Variants in TTC28 observed in about 807,000 individuals in gnomAD.
TTC28 encodes tetratricopeptide repeat protein 28.
TTC28 carries 61 observed loss-of-function variants against 198.0 expected under a neutral mutation model. That is an observed-to-expected ratio of 0.31 (90% CI 0.25 to 0.38). TTC28 has a LOEUF of 0.38. Among genes scored for constraint, TTC28 ranks in the 10% least tolerant of loss-of-function variants. The pLI is 1.00. For missense variants in TTC28, 2,678 were observed against 3,164.0 expected, an observed-to-expected ratio of 0.85 and a Z score of 3.69; for synonymous variants, 1,171 against 1,297.8, an observed-to-expected ratio of 0.90 and a Z score of 2.10.
chr22:28,182,344 G>C (rs1027666029), intron 5 of TTC28, among the ~76,000 whole-genome samples: 4 of 152,132 alleles, frequency 2.6e-5, no homozygotes, highest in Non-Finnish European at 4.4e-5. Flanking sequence ...TATTCTGTAG[G>C]GGGTTGGAAT....
intron 1 of TTC28, among the ~76,000 whole-genome samples, chr22:28,675,747 A>G (rs1476220038): frequency 2.7e-5 from 4 of 150,650 alleles, no homozygotes; most frequent in African/African-American, 7.3e-5. Flanking sequence ...ACACACACAC[A>G]CACACACACA....
intron 2 of TTC28, among the ~76,000 whole-genome samples, chr22:28,454,734 T>C (rs1337355689): frequency 2.0e-5 from 3 of 152,224 alleles, no homozygotes; most frequent in African/African-American, 4.8e-5. Context: ...GTTTAACAAA[T>C]AAATTTAACA....
chr22:28,449,750 G>C (rs1245221160), intron 2 of TTC28, among the ~76,000 whole-genome samples: 1 of 152,162 alleles, frequency 6.6e-6, no homozygotes, highest in Non-Finnish European at 1.5e-5. Context: ...AAACAACAAA[G>C]ACAGGAAGGC....
At chr22:28,593,353 T>C (rs1267828138) in intron 2 of TTC28, among the ~76,000 whole-genome samples, 1 of 152,204 alleles carries the variant, frequency 6.6e-6, no homozygotes, top group African/African-American at 2.4e-5. Flanking sequence ...CAAGCCCTAA[T>C]TCCCAGACTA....
chr22:28,159,373 C>T (rs573667471), intron 6 of TTC28, among the ~76,000 whole-genome samples: 8 of 152,112 alleles, frequency 5.3e-5, no homozygotes, highest in East Asian at 1.9e-4. Flanking sequence ...ATAGAGCTAC[C>T]GGCCGGGCAT....
At chr22:28,244,931 G>A (rs1929969242) in intron 5 of TTC28, among the ~76,000 whole-genome samples, 1 of 152,126 alleles carries the variant, frequency 6.6e-6, no homozygotes. Context: ...CACCTAGAAG[G>A]AGGTCTACTG....
Position 28,392,185 on chromosome 22 carries a change from G to T in TTC28, c.382-85542C>A, listed in dbSNP as rs182510944. Among the ~76,000 whole-genome samples the T allele has an allele frequency of 7.8e-3, 1,184 of 152,310 alleles. 23 individuals are homozygous for T. Among genetic ancestry groups the T allele is most frequent in the African/African-American group, 0.026 (1,090 of 41,564 alleles). On this transcript the variant is annotated intron_variant, in intron 2 of 22. Coordinates refer to ENST00000397906, the MANE Select transcript of TTC28 (RefSeq NM_001145418.2). Reference sequence around the variant, plus strand: ...CAGGGGTCAGGGACCCACTTGAGGAGGCAGTCTGCCCGTTCTCAGATCTCC... The same window carrying T: ...CAGGGGTCAGGGACCCACTTGAGGATGCAGTCTGCCCGTTCTCAGATCTCC...
At chr22:28,343,175 T>C (rs967822723) in intron 2 of TTC28, among the ~76,000 whole-genome samples, 3 of 151,874 alleles carry the variant, frequency 2.0e-5, no homozygotes, top group African/African-American at 7.3e-5. Flanking sequence ...TAGAATAAAA[T>C]AAAACACAAC....
At chr22:28,319,635 C>G (rs2145844280) in intron 2 of TTC28, among the ~76,000 whole-genome samples, 1 of 152,218 alleles carries the variant, frequency 6.6e-6, no homozygotes, top group South Asian at 2.1e-4. Flanking sequence ...TAAAACTGCT[C>G]TAAAAATAAA....
intron 2 of TTC28, among the ~76,000 whole-genome samples, chr22:28,403,541 A>G (rs1349865710): frequency 5.3e-5 from 8 of 152,160 alleles, no homozygotes; most frequent in Admixed American, 1.3e-4. Flanking sequence ...CTATACAGAT[A>G]CCACCCTTAG....
chr22:27,986,746 G>A (rs1027261664), intron 21 of TTC28, among the ~76,000 whole-genome samples: 4 of 152,198 alleles, frequency 2.6e-5, no homozygotes, highest in African/African-American at 9.7e-5. Flanking sequence ...CTTTTGACTT[G>A]TATTCGGGGA....
At chr22:27,990,720 AG>A in intron 20 of TTC28, 68 bp downstream of exon 20, 1 of 1,299,882 alleles carries the variant, frequency 7.7e-7, no homozygotes, top group Non-Finnish European at 1.0e-6. Context: ...GAGCCTGCCC[AG>A]GGGAACTCGG....
intron 2 of TTC28, among the ~76,000 whole-genome samples, chr22:28,513,771 T>TA (rs1307422048): frequency 6.6e-6 from 1 of 152,120 alleles, no homozygotes; most frequent in Admixed American, 6.6e-5. Flanking sequence ...TACATATATC[T>TA]ATACAGACAT....
At chr22:28,422,508 G>A (rs891906018) in intron 2 of TTC28, among the ~76,000 whole-genome samples, 4 of 151,288 alleles carry the variant, frequency 2.6e-5, no homozygotes, top group African/African-American at 4.9e-5. Context: ...GCGCGATCTC[G>A]GTTCACTGCA....
At chr22:28,399,692 C>A (rs2046874225) in intron 2 of TTC28, among the ~76,000 whole-genome samples, 1 of 152,120 alleles carries the variant, frequency 6.6e-6, no homozygotes, top group Non-Finnish European at 1.5e-5. Flanking sequence ...TAAATACTAT[C>A]AGTTCAAAGA....
At chr22:28,109,660 C>A (rs1942430779) in intron 6 of TTC28, among the ~76,000 whole-genome samples, 1 of 152,208 alleles carries the variant, frequency 6.6e-6, no homozygotes, top group African/African-American at 2.4e-5. Flanking sequence ...TGAGGGATAG[C>A]ATAATGGTAA....
In TTC28 at chr22:27,992,628, G is replaced by C. The variant is rs1937456609; in HGVS notation, c.5512C>G (p.Leu1838Val). ...TCGCCCGTCTCGGAGGCAGTGATGA[G>C]TTTGCAAAGGGCTTGGAGGGCAGGA... is the stretch of plus-strand genomic sequence containing the variant. Reference protein sequence around the residue: ...PNPALQALCKLITASETGEQL... With the variant: ...PNPALQALCKVITASETGEQL... The change falls in exon 19 of 23, where the codon CTC becomes GTC. Residue 1838 changes from leucine to valine, a missense_variant. Leu to Val is a conservative substitution (Grantham distance 32, BLOSUM62 1). Around this residue, in one of 8 missense-constraint regions of TTC28, gnomAD observed 314 missense variants for 442.7 expected, o/e 0.71. Transcript: ENST00000397906. 6.4e-7 allele frequency: 1 copy of C among 1,551,690 alleles called. No individual in the cohort carries two copies. Among genetic ancestry groups the C allele is most frequent in the African/African-American group, 1.4e-5 (1 of 73,176 alleles).
chr22:28,365,137 C>T (rs564780728), intron 2 of TTC28, among the ~76,000 whole-genome samples: 2 of 152,208 alleles, frequency 1.3e-5, no homozygotes. Flanking sequence ...CAGCAGCCAT[C>T]AACATTGAGG....
At chr22:28,263,491 A>C (rs1931468151) in intron 5 of TTC28, among the ~76,000 whole-genome samples, 1 of 152,186 alleles carries the variant, frequency 6.6e-6, no homozygotes, top group African/African-American at 2.4e-5. Context: ...CTTTAATTAT[A>C]AACATTCAAT....
Sources: allele counts gnomAD v4.1 joint callset (sites outside exome capture counted in the v4.1 genomes callset), GRCh38; gene constraint gnomAD v4.1.1; regional missense constraint gnomAD v4.1.1; transcripts MANE v1.5; gene names NCBI Gene and HGNC (gene_info 2026-07-23, HGNC 2026-07-21).